Variants in APP observed in about 807,000 individuals in gnomAD.
The protein encoded by APP is amyloid beta precursor protein.
In APP, 31 loss-of-function variants were observed where a neutral mutation model predicts 101.4. The observed-to-expected ratio is 0.31, with a 90% CI of 0.23 to 0.41. The LOEUF (loss-of-function observed/expected upper bound fraction) is 0.41. Among genes scored for constraint, APP ranks in the 10% least tolerant of loss-of-function variants. APP has a pLI of 1.00. For synonymous variants in APP, 366 were observed against 364.4 expected, an observed-to-expected ratio of 1.00 and a Z score of -0.05; for missense variants, 839 against 1,003.7, an observed-to-expected ratio of 0.84 and a Z score of 2.22.
intron 5 of APP, among the ~76,000 whole-genome samples, chr21:26,036,974 G>GA (rs1403147773): frequency 1.3e-5 from 2 of 148,872 alleles, no homozygotes; most frequent in African/African-American, 4.9e-5. Context: ...AATGTGATGT[G>GA]TGTGTGTGTG....
intron 5 of APP, among the ~76,000 whole-genome samples, chr21:26,037,864 G>T (rs1463476599): frequency 6.6e-6 from 1 of 152,092 alleles, no homozygotes; most frequent in Non-Finnish European, 1.5e-5. Flanking sequence ...GGAAACGAAT[G>T]AATAGTATAT....
At chr21:25,964,624 T>C (rs1014341602) in intron 11 of APP, among the ~76,000 whole-genome samples, 6 of 138,132 alleles carry the variant, frequency 4.3e-5, no homozygotes, top group East Asian at 4.1e-4. Context: ...TTTTTTTTTT[T>C]CTGAGACGGA....
At chr21:26,130,310 C>G (rs893196386) in intron 1 of APP, among the ~76,000 whole-genome samples, 5 of 152,176 alleles carry the variant, frequency 3.3e-5, no homozygotes, top group Non-Finnish European at 5.9e-5. Flanking sequence ...TTTAAGATAT[C>G]TGTGAAAGAA....
intron 13 of APP, among the ~76,000 whole-genome samples, chr21:25,945,132 A>T (rs755920346): frequency 8.5e-5 from 13 of 152,324 alleles, no homozygotes; most frequent in East Asian, 3.9e-4. Context: ...CATGTCAGTC[A>T]TCATGGCTTA....
intron 2 of APP, among the ~76,000 whole-genome samples, chr21:26,093,123 T>G (rs539698498): frequency 6.6e-6 from 1 of 152,340 alleles, no homozygotes; most frequent in African/African-American, 2.4e-5. Flanking sequence ...GAAAATGCTC[T>G]AAAAATGCCA....
At chr21:25,931,715 G>T (rs879383519) in intron 13 of APP, among the ~76,000 whole-genome samples, 3 of 152,224 alleles carry the variant, frequency 2.0e-5, no homozygotes, top group Admixed American at 6.5e-5. Context: ...TGCTATCGGG[G>T]TGGAGGATAA....
At chr21:25,978,726 G>C (rs920262966) in intron 9 of APP, among the ~76,000 whole-genome samples, 1 of 152,314 alleles carries the variant, frequency 6.6e-6, no homozygotes, top group South Asian at 2.1e-4. Flanking sequence ...GGCCCAGGCG[G>C]GTGGATCACA....
chr21:25,966,729 G>A lies in APP; in HGVS notation c.1458+8341C>T, dbSNP rs559988186. On this transcript the variant is annotated intron_variant, in intron 11 of 17. Transcript: ENST00000346798. ...TGGGTAGAAATAATTGGTTTGTTGG[G>A]TGAAGGGCAATTAGCGGTATCATAT... 3.9e-5 allele frequency among the ~76,000 whole-genome samples: 6 copies of A among 152,270 alleles called. No homozygotes were observed. In the South Asian group the frequency reaches 8.3e-4, roughly 21 times the overall value.
At chr21:26,147,949 A>G (rs2063186892) in intron 1 of APP, among the ~76,000 whole-genome samples, 1 of 152,056 alleles carries the variant, frequency 6.6e-6, no homozygotes. Context: ...ACCTGAAACC[A>G]CCAAAGATAC....
rs2038156570 is a variant in APP, at chr21:25,897,577, T to C, written c.2060A>G (p.Lys687Arg). The C allele has an allele frequency of 1.2e-6, 2 of 1,611,256 alleles. No individual in the cohort carries two copies. The highest frequency in any genetic ancestry group is 1.7e-6 in the Non-Finnish European group (2 of 1,177,496). ...HDSGYEVHHQ[K>R]LVFFAEDVGS... is the part of the protein sequence containing the mutation. Reference sequence around the variant, plus strand: ...GAGGTAAATTATTTTACGTACCAATTTTTGATGATGAACTTCATATCCTGA... The same window carrying C: ...GAGGTAAATTATTTTACGTACCAATCTTTGATGATGAACTTCATATCCTGA... The change falls in exon 16 of 18, where the codon AAA (lysine) becomes AGA (arginine). Residue 687 changes from lysine to arginine, a missense_variant. Coordinates refer to ENST00000346798, the MANE Select transcript of APP (RefSeq NM_000484.4).
At chr21:26,088,675 G>A (rs536643643) in intron 3 of APP, among the ~76,000 whole-genome samples, 1 of 152,244 alleles carries the variant, frequency 6.6e-6, no homozygotes, top group South Asian at 2.1e-4. Flanking sequence ...TTGAGTAGGA[G>A]TTCTGTATCT....
chr21:26,121,325 C>A (rs948845735), intron 1 of APP, among the ~76,000 whole-genome samples: 1 of 152,160 alleles, frequency 6.6e-6, no homozygotes, highest in East Asian at 1.9e-4. Context: ...CATACCTGCA[C>A]AGTTAGGATA....
chr21:25,887,141 A>G (rs947647301), intron 17 of APP, among the ~76,000 whole-genome samples: 1 of 152,202 alleles, frequency 6.6e-6, no homozygotes, highest in Non-Finnish European at 1.5e-5. Flanking sequence ...TCCTTATTAA[A>G]GGTGACATGT....
intron 8 of APP, among the ~76,000 whole-genome samples, chr21:25,990,588 A>C (rs948341842): frequency 1.3e-5 from 2 of 152,222 alleles, no homozygotes; most frequent in African/African-American, 4.8e-5. Flanking sequence ...GAGTTCGAAA[A>C]GTCAAAATCT....
intron 2 of APP, among the ~76,000 whole-genome samples, chr21:26,103,975 C>T (rs1444816571): frequency 6.6e-6 from 1 of 152,288 alleles, no homozygotes; most frequent in South Asian, 2.1e-4. Flanking sequence ...TTTGTCACAG[C>T]TCTGGAAGCT....
intron 6 of APP, among the ~76,000 whole-genome samples, chr21:26,005,960 A>C (rs1428415619): frequency 1.3e-5 from 2 of 152,210 alleles, no homozygotes; most frequent in East Asian, 3.8e-4. Context: ...AATTAAAAAT[A>C]AAGTTGAAAA....
At chr21:25,954,412 G>A (rs1356708702) in intron 13 of APP, among the ~76,000 whole-genome samples, 178 bp downstream of exon 13, 4 of 152,346 alleles carry the variant, frequency 2.6e-5, no homozygotes, top group African/African-American at 9.6e-5. Context: ...AGTATGGAGA[G>A]GTAAGAACTG....
At chr21:25,918,594 C>T (rs2039474892) in intron 13 of APP, among the ~76,000 whole-genome samples, 1 of 152,030 alleles carries the variant, frequency 6.6e-6, no homozygotes, top group South Asian at 2.1e-4. Context: ...AGGGAGTTCC[C>T]TTTCTGAGTC....
intron 6 of APP, among the ~76,000 whole-genome samples, chr21:26,001,558 G>C (rs1471879151): frequency 1.3e-5 from 2 of 152,182 alleles, no homozygotes; most frequent in African/African-American, 2.4e-5. Flanking sequence ...CCGCCCAGTG[G>C]CACAATCTTG....
Sources: allele counts gnomAD v4.1 joint callset (sites outside exome capture counted in the v4.1 genomes callset), GRCh38; gene constraint gnomAD v4.1.1; transcripts MANE v1.5; gene names NCBI Gene and HGNC (gene_info 2026-07-23, HGNC 2026-07-21).